The following ALPK2 variants were observed in gnomAD, a reference collection of about 807,000 sequenced individuals.
The protein encoded by ALPK2 is alpha-protein kinase 2.
ALPK2 carries 127 observed loss-of-function variants against 163.1 expected under a neutral mutation model. The observed-to-expected ratio is 0.78, with a 90% confidence interval of 0.67 to 0.90. The LOEUF (loss-of-function observed/expected upper bound fraction) is 0.90, where lower values mean the gene tolerates loss of function less well. Ranked by LOEUF, ALPK2 falls within the 40% of genes least tolerant of loss-of-function variation. ALPK2 has a pLI of 0.00. For missense variants in ALPK2, 2,360 were observed against 2,589.6 expected (o/e 0.91, Z 1.92); for synonymous variants, 953 against 959.1 (o/e 0.99, Z 0.12).
chr18:58,548,254 T>G (rs2051729578), intron 4 of ALPK2, among the ~76,000 whole-genome samples: 1 of 152,124 alleles, frequency 6.6e-6, no homozygotes, highest in Non-Finnish European at 1.5e-5. Context: ...TGAGGATTCT[T>G]TATATCCTAT....
chr18:58,567,256 C>T (rs2051860095), intron 4 of ALPK2, among the ~76,000 whole-genome samples: 1 of 151,226 alleles, frequency 6.6e-6, no homozygotes, highest in Non-Finnish European at 1.5e-5. Flanking sequence ...TGATGGCAGG[C>T]CCCTGAGGTC....
At chr18:58,618,709 G>A (rs534225482) in intron 1 of ALPK2, among the ~76,000 whole-genome samples, 3 of 152,348 alleles carry the variant, frequency 2.0e-5, no homozygotes, top group African/African-American at 7.2e-5. Flanking sequence ...GGCTATAGGA[G>A]CGTTATTTGA....
intron 12 of ALPK2, among the ~76,000 whole-genome samples, chr18:58,493,779 G>T (rs2051387139): frequency 6.6e-6 from 1 of 152,108 alleles, no homozygotes; most frequent in Non-Finnish European, 1.5e-5. Flanking sequence ...TTCCTCCGAG[G>T]GTAGAAAGAT....
At chr18:58,613,470 G>A (rs1389327308) in intron 1 of ALPK2, among the ~76,000 whole-genome samples, 2 of 152,026 alleles carry the variant, frequency 1.3e-5, no homozygotes, top group Admixed American at 6.6e-5. Flanking sequence ...TGAGGCGGGC[G>A]GATCACAAGG....
At chr18:58,494,419 G>A (rs963462494) in intron 12 of ALPK2, among the ~76,000 whole-genome samples, 2 of 152,098 alleles carry the variant, frequency 1.3e-5, no homozygotes, top group Admixed American at 6.5e-5. Context: ...AGTAAGTCAT[G>A]ACAATTCTCT....
chr18:58,593,557 C>T (rs2052025455), intron 3 of ALPK2, among the ~76,000 whole-genome samples: 2 of 97,426 alleles, frequency 2.1e-5, no homozygotes, highest in Non-Finnish European at 3.7e-5. Context: ...GGAAGGGACT[C>T]TGTCTCAAAA....
rs1031050557 is a variant in ALPK2 at position 58,621,599 on chromosome 18, AAGG to A, written c.-21+7162_-21+7164del. On this transcript the variant is annotated intron_variant, in intron 1 of 12. Coordinates refer to ENST00000361673, the MANE Select transcript of ALPK2 (RefSeq NM_052947.4). ...GTGATCACTTCTATGGGCAAAGAAG[AAGG>A]AGGAGGAGGAGGAGAAAAGAATCTT... Among the ~76,000 whole-genome samples, 33 of 136,426 alleles carry A rather than the reference AAGG, an allele frequency of 2.4e-4. 1 individual carries two copies. Among genetic ancestry groups the A allele is most frequent in the South Asian group, 2.1e-3 (9 of 4,300 alleles). 89.5% of individuals were successfully genotyped at this position (136,426 alleles called of 152,430 possible).
At chr18:58,556,801 T>A (rs1045741329) in intron 4 of ALPK2, among the ~76,000 whole-genome samples, 1 of 151,952 alleles carries the variant, frequency 6.6e-6, no homozygotes, top group Non-Finnish European at 1.5e-5. Context: ...GAACCTGGAG[T>A]CCCTGAGGGC....
At chr18:58,527,142 A>G (rs963946695) in intron 6 of ALPK2, among the ~76,000 whole-genome samples, 1 of 152,182 alleles carries the variant, frequency 6.6e-6, no homozygotes, top group African/African-American at 2.4e-5. Context: ...GTTCAAGAAG[A>G]CCTTTGCTCC....
chr18:58,619,722 T>C (rs1351038428), intron 1 of ALPK2, among the ~76,000 whole-genome samples: 3 of 152,252 alleles, frequency 2.0e-5, no homozygotes, highest in African/African-American at 7.2e-5. Flanking sequence ...CACTTTTTGT[T>C]TTTTTCTAAA....
chr18:58,550,731 C>T (rs2144163836), intron 4 of ALPK2, among the ~76,000 whole-genome samples: 1 of 151,488 alleles, frequency 6.6e-6, no homozygotes, highest in Admixed American at 6.6e-5. Context: ...ACAACCCCAT[C>T]CCCACCTCCA....
At chr18:58,498,161 A>T in intron 11 of ALPK2, 64 bp from the exon 12 acceptor site, 1 of 1,497,692 alleles carries the variant, frequency 6.7e-7, no homozygotes, top group Middle Eastern at 1.7e-4. Flanking sequence ...AAGTTGGGCC[A>T]TCTAGCCCCA....
Position 58,508,883 on chromosome 18 carries a change from CTT to C in ALPK2, c.6030-4737_6030-4736del, listed in dbSNP as rs35383309. Among the ~76,000 whole-genome samples the C allele has an allele frequency of 4.4e-4, 65 of 148,800 alleles. No homozygotes were observed. In the East Asian group the frequency reaches 5.1e-3, roughly 12 times the overall value. On this transcript the variant is annotated intron_variant, in intron 10 of 12. Coordinates refer to ENST00000361673, the MANE Select transcript of ALPK2 (RefSeq NM_052947.4). ...GTAACAGCTCTATGTATAATAAACT[CTT>C]TTTTTTTTTCAATTATACTTTAAGT...
intron 4 of ALPK2, among the ~76,000 whole-genome samples, chr18:58,565,263 C>T (rs558390060): frequency 2.0e-5 from 3 of 152,248 alleles, no homozygotes; most frequent in East Asian, 1.9e-4. Flanking sequence ...TCTCAAGAGT[C>T]GATATTGAGA....
intron 4 of ALPK2, among the ~76,000 whole-genome samples, chr18:58,565,207 A>T (rs2051845272): frequency 6.6e-6 from 1 of 152,144 alleles, no homozygotes. Flanking sequence ...ATAATTCTAC[A>T]ACACACATGA....
intron 10 of ALPK2, among the ~76,000 whole-genome samples, chr18:58,508,115 C>A (rs1394089847): frequency 1.3e-5 from 2 of 152,162 alleles, no homozygotes; most frequent in Admixed American, 1.3e-4. Flanking sequence ...CACCCAGGAA[C>A]AGACTCAGTG....
At chr18:58,488,599 C>T (rs574629740) in intron 12 of ALPK2, among the ~76,000 whole-genome samples, 1 of 151,624 alleles carries the variant, frequency 6.6e-6, no homozygotes, top group Non-Finnish European at 1.5e-5. Context: ...ACAGGCAAGG[C>T]AAACCCACTG....
intron 10 of ALPK2, among the ~76,000 whole-genome samples, chr18:58,513,372 C>T (rs2051504630): frequency 6.6e-6 from 1 of 152,046 alleles, no homozygotes; most frequent in Non-Finnish European, 1.5e-5. Flanking sequence ...TCCCATGTAC[C>T]GTCAGCATTC....
At position 58,611,409 on chromosome 18, in the gene ALPK2, A is replaced by C. The variant is rs574174423; in HGVS notation, c.109+280T>G. Among the ~76,000 whole-genome samples, 264 of 152,328 alleles carry C rather than the reference A, an allele frequency of 1.7e-3. 1 individual carries two copies. Among genetic ancestry groups the C allele is most frequent in the African/African-American group, 5.9e-3 (247 of 41,568 alleles). ...GTTAAGGACACCCAAGAAAGAAAGA[A>C]AATTAAGAGTGGATTATCTGAAAAA... On this transcript the variant is annotated intron_variant, in intron 2 of 12. Coordinates refer to ENST00000361673, the MANE Select transcript of ALPK2 (RefSeq NM_052947.4).
Sources: gnomAD v4.1 joint callset for allele counts (sites outside exome capture counted in the v4.1 genomes callset) on GRCh38, gnomAD v4.1.1 for gene constraint, MANE v1.5 for transcripts, NCBI Gene and HGNC (gene_info 2026-07-23, HGNC 2026-07-21) for gene names.